Variants in GJC3 observed in about 807,000 individuals in gnomAD.
GJC3 encodes the protein gap junction protein gamma 3.
Under a neutral mutation model 19.8 loss-of-function variants are expected in GJC3, and 17 were observed. The observed-to-expected ratio is 0.86, with a 90% CI of 0.59 to 1.29. GJC3 has a LOEUF of 1.29. Among genes scored for constraint, GJC3 ranks in the 50% most tolerant of loss-of-function variants. GJC3 has a pLI of 0.00. For missense variants in GJC3, 317 were observed against 332.5 expected (o/e 0.95, Z 0.36); for synonymous variants, 140 against 136.5 (o/e 1.03, Z -0.18).
chr7:99,928,333 T>G (rs1338122473), intron 1 of GJC3, among the ~76,000 whole-genome samples: 3 of 152,140 alleles, frequency 2.0e-5, no homozygotes, highest in Non-Finnish European at 4.4e-5. Context: ...ACCAGAAAAT[T>G]CCAGTGAAAA....
At chr7:99,928,689 G>A (rs1819844979) in intron 1 of GJC3, 151 bp downstream of exon 1, 1 of 696,212 alleles carries the variant, frequency 1.4e-6, no homozygotes, top group Admixed American at 2.2e-5. Flanking sequence ...AAAGGGTTGG[G>A]AGTGGCGGTC....
In GJC3 at chr7:99,928,886, G is replaced by C. The variant is rs371301762; in HGVS notation, c.735C>G (p.Thr245=). 4.3e-6 allele frequency: 7 copies of C among 1,614,080 alleles called. No individual in the cohort carries two copies. Among genetic ancestry groups the C allele is most frequent in the Non-Finnish European group, 5.9e-6 (7 of 1,180,010 alleles). ...SESTRRHKKA[T]DSLPVVETKE... ...TGGTTTCCACCACTGGGAGGCTATC[G>C]GTTGCTTTCTTGTGTCTTCTGGTGC... The change falls in exon 1 of 2, where the codon ACC becomes ACG. Residue 245 remains threonine, a synonymous_variant. Transcript: ENST00000312891.
chr7:99,927,989 T>A (rs1220844770), intron 1 of GJC3, among the ~76,000 whole-genome samples: 6 of 152,240 alleles, frequency 3.9e-5, no homozygotes, highest in Admixed American at 6.5e-5. Flanking sequence ...GTAATTTTCC[T>A]TAAGGATATG....
chr7:99,927,480 A>G (rs1819827105), intron 1 of GJC3, among the ~76,000 whole-genome samples: 1 of 151,798 alleles, frequency 6.6e-6, no homozygotes, highest in South Asian at 2.1e-4. Context: ...TAGCAGGAAG[A>G]AAAAAAAAAT....
At chr7:99,923,777 A>T (rs747135421) in intron 1 of GJC3, among the ~76,000 whole-genome samples, 174 bp from the exon 2 acceptor site, 45 of 152,232 alleles carry the variant, frequency 3.0e-4, no homozygotes, top group Non-Finnish European at 6.0e-4. Context: ...CACAACCCTC[A>T]GAAGGCTGGT....
chr7:99,929,255 G>T lies in GJC3; in HGVS notation c.366C>A (p.Asn122Lys), dbSNP rs757734086. 1.2e-6 allele frequency: 2 copies of T among 1,614,192 alleles called. No homozygotes were observed. The highest frequency in any genetic ancestry group is 2.7e-5 in the African/African-American group (2 of 75,074). ...GGCTTCCAGCCCCTGGGACATCTGTGTTGCCCTCCCGTCCCTGGATCAGGG... is the reference window on the plus strand; with the variant it reads ...GGCTTCCAGCCCCTGGGACATCTGTTTTGCCCTCCCGTCCCTGGATCAGGG... The part of the protein sequence containing the change: ...EETLIQGREG[N>K]TDVPGAGSLR... Residue 122 changes from asparagine to lysine, a missense_variant, in exon 1 of 2, where the codon AAC becomes AAA. Transcript: ENST00000312891.
At chr7:99,930,607 T>C (rs1178488191), upstream of GJC3, among the ~76,000 whole-genome samples, 1 of 152,164 alleles carries the variant, frequency 6.6e-6, no homozygotes, top group African/African-American at 2.4e-5. Flanking sequence ...CCATTTAGCC[T>C]AAATTCTCAC....
chr7:99,928,588 C>G (rs1445595244), intron 1 of GJC3, among the ~76,000 whole-genome samples: 1 of 152,196 alleles, frequency 6.6e-6, no homozygotes, highest in South Asian at 2.1e-4. Context: ...GGACAACGGA[C>G]TAGCACTCTT....
At chr7:99,926,189 C>G (rs1048800718) in intron 1 of GJC3, among the ~76,000 whole-genome samples, 2 of 152,102 alleles carry the variant, frequency 1.3e-5, no homozygotes, top group African/African-American at 2.4e-5. Context: ...CAAAAATTAG[C>G]TGGGTGTGGT....
intron 1 of GJC3, among the ~76,000 whole-genome samples, chr7:99,927,649 A>G (rs1584283182): frequency 6.6e-6 from 1 of 151,534 alleles, no homozygotes; most frequent in Non-Finnish European, 1.5e-5. Context: ...AAAAAAAAAA[A>G]GGGATAGAAC....
intron 1 of GJC3, among the ~76,000 whole-genome samples, chr7:99,925,867 A>C (rs187075146): frequency 6.6e-6 from 1 of 152,386 alleles, no homozygotes; most frequent in East Asian, 1.9e-4. Context: ...CTAGAATTTA[A>C]TAGATAAATA....
chr7:99,929,940 C>T (rs1819872833), upstream of GJC3, among the ~76,000 whole-genome samples: 1 of 152,140 alleles, frequency 6.6e-6, no homozygotes, highest in African/African-American at 2.4e-5. Context: ...TCCCTCCTTC[C>T]CTCCGTCTCT....
chr7:99,925,547 C>A (rs1282077167), intron 1 of GJC3, among the ~76,000 whole-genome samples: 2 of 152,104 alleles, frequency 1.3e-5, no homozygotes, highest in African/African-American at 4.8e-5. Context: ...TGTTAGACTT[C>A]ATTAAAATTT....
chr7:99,928,943 A>C lies in GJC3; in HGVS notation c.678T>G (p.Ser226=). The C allele has an allele frequency of 1.2e-6, 2 of 1,614,168 alleles. No individual in the cohort carries two copies. The highest frequency in any genetic ancestry group is 1.7e-6 in the Non-Finnish European group (2 of 1,180,012). ...GRWWRTWKHK[S]SSSKYFLTSE... ...AAGTTAGGAAGTATTTAGAAGAGGA[A>C]GATTTGTGCTTCCAGGTCCTCCACC... is the stretch of plus-strand genomic sequence containing the variant. Residue 226 remains serine (S), a synonymous_variant, in exon 1 of 2, where the codon TCT becomes TCG. Transcript: ENST00000312891.
At position 99,929,411 on chromosome 7, in the gene GJC3, G is replaced by T. The variant is rs772822105; in HGVS notation, c.210C>A (p.Pro70=). The T allele has an allele frequency of 3.1e-6, 5 of 1,614,074 alleles. 1 individual carries two copies. The South Asian group carries it at 4.4e-5, about 14-fold the overall frequency. Residue 70 remains proline (P), a synonymous_variant, in exon 1 of 2, where the codon CCC becomes CCA. Transcript: ENST00000312891. ...AGACCCAGAAACGCAGCGGGGAGAG[G>T]GGGTGGAAGGCATCGAAGCAGGCAG... ...CKAACFDAFH[P]LSPLRFWVFQ... is the part of the protein sequence containing the mutation.
chr7:99,928,192 A>T (rs1584283514), intron 1 of GJC3, among the ~76,000 whole-genome samples: 1 of 152,258 alleles, frequency 6.6e-6, no homozygotes, highest in East Asian at 1.9e-4. Flanking sequence ...AGGAAGGGGC[A>T]TTATCTTCAG....
In GJC3 at chr7:99,929,067, G is replaced by A. The variant is rs1034450828; in HGVS notation, c.554C>T (p.Pro185Leu). The change falls in exon 1 of 2, where the codon CCC becomes CTC. Residue 185 changes from proline to leucine, a missense_variant. Pro to Leu is a moderately conservative substitution (Grantham distance 98). Coordinates refer to ENST00000312891, the MANE Select transcript of GJC3 (RefSeq NM_181538.3). ...LGSITCNLSR[P>L]SEKTIFLKTM... ...CTTTAGGAAAATGGTCTTCTCAGAG[G>A]GGCGGGACAGATTGCAGGTTATACT... 1 of 1,614,092 alleles carries A rather than the reference G, an allele frequency of 6.2e-7. No individual in the cohort carries two copies. The highest frequency in any genetic ancestry group is 8.5e-7 in the Non-Finnish European group (1 of 1,180,022).
chr7:99,928,904 T>G lies in GJC3; in HGVS notation c.717A>C (p.Arg239Ser). ...GGCTATCGGTTGCTTTCTTGTGTCT[T>G]CTGGTGCTCTCTGAAGTTAGGAAGT... ...SKYFLTSEST[R>S]RHKKATDSLP... is the part of the protein sequence containing the mutation. Residue 239 changes from arginine (R) to serine (S), a missense_variant, in exon 1 of 2, where the codon AGA becomes AGC. Physicochemically the swap from Arg to Ser is moderately radical, Grantham distance 110. Transcript: ENST00000312891. 1 of 1,614,174 alleles carries G rather than the reference T, an allele frequency of 6.2e-7. No individual in the cohort carries two copies. Among genetic ancestry groups the G allele is most frequent in the Non-Finnish European group, 8.5e-7 (1 of 1,180,032 alleles).
In GJC3 at chr7:99,923,306, G is replaced by A. The variant is rs1393330479; in HGVS notation, c.*239C>T. 3.5e-6 allele frequency: 2 copies of A among 567,816 alleles called. No homozygotes were observed. Among genetic ancestry groups the A allele is most frequent in the Non-Finnish European group, 6.3e-6 (2 of 316,708 alleles). The allele number at this position is 567,816 out of a possible 1,614,324, so 35.2% of individuals were successfully genotyped here. On this transcript the variant is annotated 3_prime_UTR_variant, in exon 2 of 2. Transcript: ENST00000312891. ...GGATTTTATTACTTGCGATAAGTAA[G>A]GAGGACACTGGGAATAATTCCCCAA... is the stretch of plus-strand genomic sequence containing the variant.
Sources: gnomAD v4.1 joint callset for allele counts (sites outside exome capture counted in the v4.1 genomes callset) on GRCh38, gnomAD v4.1.1 for gene constraint, MANE v1.5 for transcripts, NCBI Gene and HGNC (gene_info 2026-07-23, HGNC 2026-07-21) for gene names.